The following TSHZ2 variants were observed in gnomAD, a reference collection of about 807,000 sequenced individuals.
TSHZ2 encodes teashirt zinc finger homeobox 2.
TSHZ2 carries 21 observed loss-of-function variants against 74.4 expected under a neutral mutation model. The ratio of observed to expected loss-of-function variants is 0.28; its 90% confidence interval spans 0.20 to 0.41. The LOEUF is 0.41. Ranked by LOEUF, TSHZ2 falls within the 10% of genes least tolerant of loss-of-function variation. The probability of loss-of-function intolerance (pLI) is 1.00; values close to 1 mark genes in which losing one functional copy is unlikely to be tolerated. For missense variants in TSHZ2, 1,244 were observed against 1,293.5 expected (o/e 0.96, Z 0.59); for synonymous variants, 540 against 515.3 (o/e 1.05, Z -0.65).
intron 1 of TSHZ2, among the ~76,000 whole-genome samples, chr20:53,025,987 GTGGT>G (rs1338058719): frequency 1.3e-5 from 2 of 152,202 alleles, no homozygotes; most frequent in African/African-American, 2.4e-5. Flanking sequence ...GCAGGAGGCT[GTGGT>G]ATGGCAGTGT....
intron 1 of TSHZ2, among the ~76,000 whole-genome samples, chr20:53,126,986 TTAA>T (rs750630006): frequency 2.0e-5 from 3 of 151,708 alleles, no homozygotes; most frequent in Non-Finnish European, 2.9e-5. Context: ...AGAGACTGGC[TTAA>T]TAATTATTGG....
chr20:53,271,139 C>T (rs1990828216), intron 2 of TSHZ2, among the ~76,000 whole-genome samples: 1 of 152,210 alleles, frequency 6.6e-6, no homozygotes, highest in East Asian at 1.9e-4. Context: ...TCTCCAGAGA[C>T]AGGGAGTTCC....
intron 2 of TSHZ2, among the ~76,000 whole-genome samples, chr20:53,321,499 C>T (rs1979260753): frequency 6.6e-6 from 1 of 151,932 alleles, no homozygotes; most frequent in South Asian, 2.1e-4. Context: ...GCCTAGCCAA[C>T]ATAGTGAAAC....
intron 1 of TSHZ2, among the ~76,000 whole-genome samples, chr20:53,159,229 T>G (rs896718652): frequency 3.9e-5 from 6 of 152,228 alleles, no homozygotes; most frequent in Admixed American, 2.6e-4. Context: ...GTTTCCAGAG[T>G]TAAATGCCAG....
chr20:52,979,712 C>T (rs1400799776), intron 1 of TSHZ2, among the ~76,000 whole-genome samples: 2 of 152,140 alleles, frequency 1.3e-5, no homozygotes, highest in African/African-American at 2.4e-5. Flanking sequence ...AAAAGACATC[C>T]TCTGGGCACC....
intron 1 of TSHZ2, among the ~76,000 whole-genome samples, chr20:53,092,599 T>G (rs1985915538): frequency 6.6e-6 from 1 of 152,218 alleles, no homozygotes; most frequent in Admixed American, 6.5e-5. Context: ...AAACCCTTCT[T>G]GGAAACATTT....
At chr20:53,195,513 G>A (rs540785914) in intron 1 of TSHZ2, among the ~76,000 whole-genome samples, 28 of 152,230 alleles carry the variant, frequency 1.8e-4, no homozygotes, top group African/African-American at 6.7e-4. Flanking sequence ...GTGCTTGAGG[G>A]GCTCAGGACT....
chr20:53,341,668 C>T (rs1280960875), intron 2 of TSHZ2, among the ~76,000 whole-genome samples: 2 of 151,866 alleles, frequency 1.3e-5, no homozygotes, highest in East Asian at 1.9e-4. Context: ...TTTCTTAGAA[C>T]AGTTTTTTAT....
chr20:53,477,819 AAAAC>A (rs1288222751), intron 2 of TSHZ2, among the ~76,000 whole-genome samples: 28 of 147,646 alleles, frequency 1.9e-4, no homozygotes, highest in African/African-American at 2.5e-4. Context: ...TTACAAGAAA[AAAAC>A]AAACAACCCC....
chr20:53,478,428 T>C (rs1284551257), intron 2 of TSHZ2, among the ~76,000 whole-genome samples: 11 of 148,828 alleles, frequency 7.4e-5, no homozygotes, highest in South Asian at 4.3e-4. Flanking sequence ...AACCAAACAC[T>C]GCATATTCTC....
At chr20:53,067,882 T>C (rs1220733771) in intron 1 of TSHZ2, among the ~76,000 whole-genome samples, 1 of 152,174 alleles carries the variant, frequency 6.6e-6, no homozygotes, top group African/African-American at 2.4e-5. Flanking sequence ...AACAAAGGTG[T>C]TGGCATGGCA....
At chr20:53,337,404 C>T (rs1167148859) in intron 2 of TSHZ2, among the ~76,000 whole-genome samples, 1 of 152,196 alleles carries the variant, frequency 6.6e-6, no homozygotes, top group Non-Finnish European at 1.5e-5. Context: ...AAAGTCCCTT[C>T]TAACAAGGTT....
intron 1 of TSHZ2, among the ~76,000 whole-genome samples, chr20:53,054,313 C>A (rs1261576860): frequency 6.6e-6 from 1 of 152,184 alleles, no homozygotes; most frequent in Non-Finnish European, 1.5e-5. Flanking sequence ...CTGAATTTTT[C>A]AGTTTTCAAT....
At chr20:53,152,433 C>A (rs1161365584) in intron 1 of TSHZ2, among the ~76,000 whole-genome samples, 2 of 152,160 alleles carry the variant, frequency 1.3e-5, no homozygotes, top group African/African-American at 4.8e-5. Flanking sequence ...TATCCTGACC[C>A]TGAGCTTGAC....
intron 1 of TSHZ2, among the ~76,000 whole-genome samples, chr20:53,039,313 T>TC (rs11481544): frequency 0.67 from 101,910 of 151,870 alleles, 34,820 homozygotes; most frequent in East Asian, 0.96. Flanking sequence ...CAGAGAACTT[T>TC]CCACACTCTT....
At chr20:53,191,636 C>T (rs1229978659) in intron 1 of TSHZ2, among the ~76,000 whole-genome samples, 1 of 152,242 alleles carries the variant, frequency 6.6e-6, no homozygotes, top group Non-Finnish European at 1.5e-5. Flanking sequence ...GCGCTCCAGC[C>T]TGGGTGACAG....
intron 1 of TSHZ2, among the ~76,000 whole-genome samples, chr20:53,177,016 G>T (rs1355700979): frequency 6.6e-6 from 1 of 151,926 alleles, no homozygotes. Flanking sequence ...ATTTATTTTT[G>T]TTATTATTGT....
intron 1 of TSHZ2, among the ~76,000 whole-genome samples, chr20:53,077,437 C>G (rs1024903244): frequency 6.6e-6 from 1 of 150,438 alleles, no homozygotes; most frequent in African/African-American, 2.4e-5. Flanking sequence ...AGATAATACT[C>G]TGGGGATCAT....
chr20:53,417,247 C>G (rs1012521249), intron 2 of TSHZ2, among the ~76,000 whole-genome samples: 8 of 147,238 alleles, frequency 5.4e-5, no homozygotes, highest in African/African-American at 1.5e-4. Flanking sequence ...CACAGACACA[C>G]ACACACACAC....
Sources: allele counts gnomAD v4.1 joint callset (sites outside exome capture counted in the v4.1 genomes callset), GRCh38; gene constraint gnomAD v4.1.1; transcripts MANE v1.5; gene names NCBI Gene and HGNC (gene_info 2026-07-23, HGNC 2026-07-21).